Variants in POGZ observed in about 807,000 individuals in gnomAD.
The protein encoded by POGZ is pogo transposable element derived with ZNF domain, also known as pogo transposable element with ZNF domain.
In POGZ, 17 loss-of-function variants were observed where a neutral mutation model predicts 134.6. The ratio of observed to expected loss-of-function variants is 0.13; its 90% CI spans 0.09 to 0.19. The LOEUF is 0.19. Among genes scored for constraint, POGZ ranks in the 10% least tolerant of loss-of-function variants. The pLI is 1.00. For synonymous variants in POGZ, 693 were observed against 657.1 expected (o/e 1.05, Z -0.84); for missense variants, 1,306 against 1,769.7 (o/e 0.74, Z 4.70).
chr1:151,440,931 T>C lies in POGZ; in HGVS notation c.280A>G (p.Asn94Asp). 1 of 1,612,722 alleles carries C rather than the reference T, an allele frequency of 6.2e-7. No individual in the cohort carries two copies. The highest frequency in any genetic ancestry group is 8.5e-7 in the Non-Finnish European group (1 of 1,179,002). ...ATTTCCCAATAATCCCACTTACCATTGTTGTTGGCAATTAGTGTGACAAGA... is the reference window on the plus strand; with the variant it reads ...ATTTCCCAATAATCCCACTTACCATCGTTGTTGGCAATTAGTGTGACAAGA... ...KTLVTLIANN[N>D]AGNPLVQQGG... Residue 94 changes from asparagine (N) to aspartate (D), a missense_variant, in exon 3 of 19, where the codon AAT becomes GAT. By Grantham distance (23) the Asn-to-Asp change is conservative (BLOSUM62 1). Transcript: ENST00000271715.
At chr1:151,429,366 A>C (rs1361955668) in intron 5 of POGZ, 4 of 279,828 alleles carry the variant, frequency 1.4e-5, no homozygotes, top group Non-Finnish European at 2.7e-5. Flanking sequence ...AAATGACTGT[A>C]AACTCTGTTT....
At chr1:151,441,242 T>C (rs188547892) in intron 2 of POGZ, among the ~76,000 whole-genome samples, 156 bp from the exon 3 acceptor site, 25 of 152,332 alleles carry the variant, frequency 1.6e-4, no homozygotes, top group Non-Finnish European at 8.8e-5. Flanking sequence ...CTCCTCCTAC[T>C]TAACCCTTAG....
chr1:151,403,622 T>C lies in POGZ; in HGVS notation c.*1180A>G, dbSNP rs951244729. 2 of 985,494 alleles carry C rather than the reference T, an allele frequency of 2.0e-6. No homozygotes were observed. Among genetic ancestry groups the C allele is most frequent in the South Asian group, 4.7e-5 (1 of 21,286 alleles). The allele number at this position is 985,494 out of a possible 1,614,324, so 61.0% of individuals were successfully genotyped here. A position where few individuals can be genotyped will look rare whatever the true frequency, so the allele number is the denominator to read the frequency against. ...TTTCCTTGAAGCTGGCAGTGAAAAATAAAGATTCATGTCATTTTCTTTGTG... is the reference window on the plus strand; with the variant it reads ...TTTCCTTGAAGCTGGCAGTGAAAAACAAAGATTCATGTCATTTTCTTTGTG... On this transcript the variant is annotated 3_prime_UTR_variant, in exon 19 of 19. Coordinates refer to ENST00000271715, the MANE Select transcript of POGZ (RefSeq NM_015100.4).
At chr1:151,429,085 A>C (rs565958988) in intron 5 of POGZ, among the ~76,000 whole-genome samples, 1 of 151,962 alleles carries the variant, frequency 6.6e-6, no homozygotes, top group Admixed American at 6.6e-5. Context: ...AGCAATGGAA[A>C]ATTCTAAGAT....
intron 3 of POGZ, among the ~76,000 whole-genome samples, chr1:151,439,783 T>G (rs1315968200): frequency 1.3e-5 from 2 of 152,240 alleles, no homozygotes; most frequent in African/African-American, 4.8e-5. Flanking sequence ...TCACAATTCT[T>G]AAAAACTGTG....
chr1:151,425,522 C>T (rs1657624116), intron 7 of POGZ, among the ~76,000 whole-genome samples: 1 of 152,110 alleles, frequency 6.6e-6, no homozygotes, highest in South Asian at 2.1e-4. Context: ...TCTCCCCTCG[C>T]CTCCACCCCG....
Position 151,408,246 on chromosome 1 carries a change from G to C in POGZ, c.2235-6C>G, listed in dbSNP as rs1449021446. The stretch of plus-strand genomic sequence containing the variant: ...TCTGCCGGCCCATGACACTCCTGTG[G>C]GGGAAAAAAAAAAAGAATTCTCATT... On this transcript the variant is annotated splice_polypyrimidine_tract_variant and splice_region_variant and intron_variant, in intron 14 of 18. Transcript: ENST00000271715. 1 of 1,603,020 alleles carries C rather than the reference G, an allele frequency of 6.2e-7. No individual in the cohort carries two copies. The highest frequency in any genetic ancestry group is 1.8e-5 in the Admixed American group (1 of 56,074).
chr1:151,421,978 G>C (rs1384455778), intron 10 of POGZ, among the ~76,000 whole-genome samples: 1 of 152,032 alleles, frequency 6.6e-6, no homozygotes, highest in African/African-American at 2.4e-5. Flanking sequence ...GTCTCCCCTG[G>C]CCTCAACTGA....
chr1:151,449,788 C>T (rs376517847), intron 1 of POGZ, among the ~76,000 whole-genome samples: 1 of 152,104 alleles, frequency 6.6e-6, no homozygotes, highest in Admixed American at 6.5e-5. Flanking sequence ...CCCAGCTACT[C>T]GGGAGGCTGG....
At chr1:151,417,364 C>CTTT (rs1380557486) in intron 10 of POGZ, among the ~76,000 whole-genome samples, 1 of 135,364 alleles carries the variant, frequency 7.4e-6, no homozygotes. Flanking sequence ...GCCCGGCCCT[C>CTTT]TTTTTTTTTT....
At chr1:151,451,065 T>C (rs1044870915) in intron 1 of POGZ, 3 of 147,704 alleles carry the variant, frequency 2.0e-5, no homozygotes, top group Non-Finnish European at 3.0e-5. Context: ...AAAAAAAAAA[T>C]ACAAAAATTA....
At position 151,407,107 on chromosome 1, in the gene POGZ, G is replaced by C; in HGVS notation, c.2433-84C>G. The stretch of plus-strand genomic sequence containing the variant: ...AAGCTTTGAGGCTTAAGAAAGAAAA[G>C]GAATGCCCTCCCACTTTCTCCTTTT... On this transcript the variant is annotated intron_variant, in intron 16 of 18. Coordinates refer to ENST00000271715, the MANE Select transcript of POGZ (RefSeq NM_015100.4). The C allele has an allele frequency of 2.4e-6, 3 of 1,246,700 alleles. No individual in the cohort carries two copies. In the African/African-American group the frequency reaches 4.5e-5, roughly 19 times the overall value. The allele number at this position is 1,246,700 out of a possible 1,614,324, so 77.2% of individuals were successfully genotyped here. A position where few individuals can be genotyped will look rare whatever the true frequency, so the allele number is the denominator to read the frequency against.
intron 5 of POGZ, chr1:151,429,353 G>C (rs1404168195): frequency 3.9e-6 from 1 of 255,670 alleles, no homozygotes; most frequent in Admixed American, 5.2e-5. Context: ...ACCAGTTACA[G>C]AAAAATGACT....
In POGZ at chr1:151,425,028, T is replaced by C. The variant is rs1557903928; in HGVS notation, c.1112A>G (p.Asp371Gly). The C allele has an allele frequency of 6.3e-7, 1 of 1,593,428 alleles. No individual in the cohort carries two copies. Among genetic ancestry groups the C allele is most frequent in the Non-Finnish European group, 8.6e-7 (1 of 1,165,254 alleles). ...TCGTGGACATATTTTCCGTCCACCA[T>C]CCTGGAGGTCAAATACTGGGATGGA... Reference protein sequence around the residue: ...TSSIPVFDLQDGGRKICPRCN... With the variant: ...TSSIPVFDLQGGGRKICPRCN... The change falls in exon 8 of 19, where the codon GAT (aspartate) becomes GGT (glycine). Residue 371 changes from aspartate (D) to glycine (G), a missense_variant. Asp to Gly is a moderately conservative substitution (Grantham distance 94). Transcript: ENST00000271715.
intron 15 of POGZ, 117 bp downstream of exon 15, chr1:151,407,983 G>C (rs1653960457): frequency 1.3e-6 from 1 of 779,806 alleles, no homozygotes; most frequent in Non-Finnish European, 2.0e-6. Flanking sequence ...TTGCACTCCA[G>C]CCTAGGGGAC....
At chr1:151,438,264 CTGTA>C (rs971389731) in intron 3 of POGZ, among the ~76,000 whole-genome samples, 8 of 151,678 alleles carry the variant, frequency 5.3e-5, no homozygotes, top group African/African-American at 1.5e-4. Context: ...AGTTACAGAA[CTGTA>C]TGTATTTTTT....
chr1:151,428,043 T>TA lies in POGZ; in HGVS notation c.860-3dup, dbSNP rs760800356. ...CAGGTGGAGAGGGGAAGGAGGGAGC[T>TA]ACGGTGACCAAGTGATAATCATCTG... is the stretch of plus-strand genomic sequence containing the variant. On this transcript the variant is annotated splice_polypyrimidine_tract_variant and splice_region_variant and intron_variant, in intron 6 of 18. Transcript: ENST00000271715. 1.2e-6 allele frequency: 2 copies of TA among 1,614,020 alleles called. No individual in the cohort carries two copies. The highest frequency in any genetic ancestry group is 2.2e-5 in the South Asian group (2 of 91,082).
chr1:151,455,897 T>C (rs926025645), intron 1 of POGZ, among the ~76,000 whole-genome samples: 72 of 139,304 alleles, frequency 5.2e-4, no homozygotes, highest in African/African-American at 2.0e-3. Flanking sequence ...TTTCTTTCTT[T>C]TTTTTTTTTT....
In POGZ at chr1:151,403,983, A is replaced by T. The variant is rs1653142373; in HGVS notation, c.*819T>A. 1 of 985,276 alleles carries T rather than the reference A, an allele frequency of 1.0e-6. No homozygotes were observed. The highest frequency in any genetic ancestry group is 4.7e-5 in the South Asian group (1 of 21,290). The allele number at this position is 985,276 out of a possible 1,614,324, so 61.0% of individuals were successfully genotyped here. Reference sequence around the variant, plus strand: ...TATGATCCTTTGTCCAGAGGGATGGATGGTGTTGAGAATGGGGAAAGGGGC... The same window carrying T: ...TATGATCCTTTGTCCAGAGGGATGGTTGGTGTTGAGAATGGGGAAAGGGGC... On this transcript the variant is annotated 3_prime_UTR_variant, in exon 19 of 19. Coordinates refer to ENST00000271715, the MANE Select transcript of POGZ (RefSeq NM_015100.4).
Sources: allele counts gnomAD v4.1 joint callset (sites outside exome capture counted in the v4.1 genomes callset), GRCh38; gene constraint gnomAD v4.1.1; transcripts MANE v1.5; gene names NCBI Gene and HGNC (gene_info 2026-07-23, HGNC 2026-07-21).